Variants in GOLGA4 observed in about 807,000 individuals in gnomAD.
The protein encoded by GOLGA4 is golgin subfamily A member 4.
A neutral mutation model predicts 265.9 loss-of-function variants in GOLGA4; 169 were observed. That is an observed-to-expected ratio of 0.64 (90% CI 0.56 to 0.72). The LOEUF (loss-of-function observed/expected upper bound fraction) is 0.72, where lower values mean the gene tolerates loss of function less well. Ranked by LOEUF, GOLGA4 falls within the 30% of genes least tolerant of loss-of-function variation. GOLGA4 has a pLI of 0.00. For synonymous variants in GOLGA4, 923 were observed against 855.8 expected (o/e 1.08, Z -1.37); for missense variants, 2,482 against 2,483.4 (o/e 1.00, Z 0.01).
rs754161809 is a variant in GOLGA4 at position 37,319,245 on chromosome 3, A to C, written c.1545+51A>C. On this transcript the variant is annotated intron_variant, in intron 12 of 23. Transcript: ENST00000361924. ...CTATAGGTATACTTCTCAGAGTTAC[A>C]AAGTTATCATCCTCTCACTGTTGCA... The C allele has an allele frequency of 7.7e-6, 11 of 1,431,308 alleles. 1 individual carries two copies. In the South Asian group the frequency reaches 1.4e-4, roughly 18 times the overall value. The allele number at this position is 1,431,308 out of a possible 1,614,324, so 88.7% of individuals were successfully genotyped here.
chr3:37,306,487 T>C (rs998717178), intron 10 of GOLGA4, among the ~76,000 whole-genome samples: 1 of 147,070 alleles, frequency 6.8e-6, no homozygotes, highest in Non-Finnish European at 1.5e-5. Flanking sequence ...TTCACACTAG[T>C]TCTTGGCTGT....
chr3:37,251,920 G>A (rs2096735060), intron 2 of GOLGA4, among the ~76,000 whole-genome samples: 1 of 152,154 alleles, frequency 6.6e-6, no homozygotes, highest in Non-Finnish European at 1.5e-5. Context: ...GGGCTCAAGT[G>A]ATTCTCCCAA....
At chr3:37,259,509 G>A (rs951129071) in intron 2 of GOLGA4, among the ~76,000 whole-genome samples, 4 of 152,104 alleles carry the variant, frequency 2.6e-5, no homozygotes, top group African/African-American at 9.7e-5. Flanking sequence ...CTGCACACTC[G>A]GGTAATTTCT....
chr3:37,260,238 A>G (rs1355377319), intron 2 of GOLGA4, among the ~76,000 whole-genome samples: 2 of 152,030 alleles, frequency 1.3e-5, no homozygotes, highest in African/African-American at 2.4e-5. Flanking sequence ...ATTCGAAGCC[A>G]TCCTGGGCCA....
At chr3:37,301,213 A>G (rs1046891515) in intron 9 of GOLGA4, among the ~76,000 whole-genome samples, 1 of 152,206 alleles carries the variant, frequency 6.6e-6, no homozygotes, top group Non-Finnish European at 1.5e-5. Context: ...TTAGTCCTAA[A>G]TGACTTTTTT....
chr3:37,360,048 T>A (rs2097100424), intron 22 of GOLGA4, among the ~76,000 whole-genome samples: 1 of 152,244 alleles, frequency 6.6e-6, no homozygotes, highest in Non-Finnish European at 1.5e-5. Context: ...ACTTCTGCTA[T>A]GCCAGTATCA....
chr3:37,280,591 T>G (rs2096832209), intron 2 of GOLGA4, among the ~76,000 whole-genome samples: 1 of 152,228 alleles, frequency 6.6e-6, no homozygotes, highest in Non-Finnish European at 1.5e-5. Flanking sequence ...TTAGTCAAAA[T>G]GAGTTCACAA....
chr3:37,243,832 G>T (rs956206791), intron 1 of GOLGA4: 1 of 579,170 alleles, frequency 1.7e-6, no homozygotes, highest in African/African-American at 1.9e-5. Context: ...ACTTCATCCA[G>T]TCAATGAGTG....
chr3:37,330,702 C>G (rs1235961658), intron 16 of GOLGA4, among the ~76,000 whole-genome samples: 1 of 152,138 alleles, frequency 6.6e-6, no homozygotes, highest in Non-Finnish European at 1.5e-5. Context: ...AAGTTCCTTC[C>G]TGTGCCTTGG....
At chr3:37,257,961 GTATATATACATACATATATA>G (rs2096755492) in intron 2 of GOLGA4, among the ~76,000 whole-genome samples, 2 of 85,296 alleles carry the variant, frequency 2.3e-5, no homozygotes, top group African/African-American at 1.3e-4. Flanking sequence ...ATGTATATAT[GTATATATACATACATATATA>G]TATGTATGTA....
chr3:37,275,908 C>G, intron 2 of GOLGA4: 2 of 1,613,622 alleles, frequency 1.2e-6, no homozygotes, highest in East Asian at 2.2e-5. Context: ...TCATCAAATC[C>G]TGGAAAAAAT....
At chr3:37,263,212 G>A (rs907125320) in intron 2 of GOLGA4, among the ~76,000 whole-genome samples, 2 of 152,178 alleles carry the variant, frequency 1.3e-5, no homozygotes, top group Non-Finnish European at 2.9e-5. Context: ...CTAGTTTGTA[G>A]CGTAGGAGCA....
Position 37,257,947 on chromosome 3 carries a change from ATGT to A in GOLGA4, c.162+6464_162+6466del, listed in dbSNP as rs1560279776. 2.4e-4 allele frequency among the ~76,000 whole-genome samples: 26 copies of A among 110,266 alleles called. 6 individuals are homozygous for A. The highest frequency in any genetic ancestry group is 1.3e-3 in the Admixed American group (13 of 10,188). 72.3% of individuals were successfully genotyped at this position (110,266 alleles called of 152,430 possible). On this transcript the variant is annotated intron_variant, in intron 2 of 23. Coordinates refer to ENST00000361924, the MANE Select transcript of GOLGA4 (RefSeq NM_002078.5). ...TATATGTATATATACATACATATAT[ATGT>A]ATGTATATATGTATATATACATACA...
chr3:37,300,652 T>G (rs1228999920), intron 9 of GOLGA4, among the ~76,000 whole-genome samples: 13 of 152,136 alleles, frequency 8.5e-5, no homozygotes, highest in Admixed American at 8.5e-4. Context: ...CACCCAGAAT[T>G]GTTTTAGAGC....
Position 37,324,791 on chromosome 3 carries a change from A to G in GOLGA4, c.2905A>G (p.Thr969Ala). 1 of 1,585,780 alleles carries G rather than the reference A, an allele frequency of 6.3e-7. No homozygotes were observed. Among genetic ancestry groups the G allele is most frequent in the Non-Finnish European group, 8.5e-7 (1 of 1,173,274 alleles). The change falls in exon 14 of 24, where the codon ACG becomes GCG. Residue 969 changes from threonine to alanine, a missense_variant. Around this residue, in one of 3 missense-constraint regions of GOLGA4, gnomAD observed 1,536 missense variants for 1,483.7 expected, o/e 1.04. Transcript: ENST00000361924. ...GCAGAAAGCAAAGGAGATGCAAGAA[A>G]CGTTAAAGAAAAAATTACTGGATCA... Reference protein sequence around the residue: ...VKQKAKEMQETLKKKLLDQEA... With the variant: ...VKQKAKEMQEALKKKLLDQEA...
chr3:37,295,998 G>A, intron 6 of GOLGA4, 89 bp from the exon 7 acceptor site: 4 of 1,202,432 alleles, frequency 3.3e-6, no homozygotes. Context: ...AGGGAATCCT[G>A]GAACCAATCC....
Position 37,251,400 on chromosome 3 carries a change from C to T in GOLGA4, c.78C>T (p.Ser26=), listed in dbSNP as rs1175559557. ...GCAATAATTTTTAAATCTAGGCGTC[C>T]TCCAATTCTTCAACACCAACAAGAA... ...LQQALAPAQA[S]SNSSTPTRMR... The change falls in exon 2 of 24, where the codon TCC becomes TCT. Residue 26 remains serine (S), a synonymous_variant. Coordinates refer to ENST00000361924, the MANE Select transcript of GOLGA4 (RefSeq NM_002078.5). The T allele has an allele frequency of 1.9e-6, 3 of 1,607,524 alleles. No individual in the cohort carries two copies. Among genetic ancestry groups the T allele is most frequent in the Admixed American group, 1.7e-5 (1 of 60,006 alleles).
chr3:37,300,855 G>C (rs2096890858), intron 9 of GOLGA4, among the ~76,000 whole-genome samples: 1 of 151,950 alleles, frequency 6.6e-6, no homozygotes, highest in African/African-American at 2.4e-5. Context: ...GCTCTTTTAT[G>C]AATCAGGGTC....
chr3:37,269,885 CTTTTTTTTTTTTTTTT>C (rs763272448), intron 2 of GOLGA4, among the ~76,000 whole-genome samples: 1 of 79,050 alleles, frequency 1.3e-5, no homozygotes, highest in South Asian at 4.0e-4. Flanking sequence ...TGTAGGGTAG[CTTTTTTTTTTTTTTTT>C]TTTTTTTTTT....
Sources: gnomAD v4.1 joint callset for allele counts (sites outside exome capture counted in the v4.1 genomes callset) on GRCh38, gnomAD v4.1.1 for gene constraint, gnomAD v4.1.1 regional missense constraint, MANE v1.5 for transcripts, NCBI Gene and HGNC (gene_info 2026-07-23, HGNC 2026-07-21) for gene names.